LANCL3: variants seen among roughly 807,000 people sequenced by gnomAD.
LANCL3 encodes the protein LanC like family member 3.
Under a neutral mutation model 26.5 loss-of-function variants are expected in LANCL3, and 19 were observed. The ratio of observed to expected loss-of-function variants is 0.72; its 90% CI spans 0.50 to 1.05. LANCL3 has a LOEUF of 1.05. LANCL3 is among the 50% of genes least tolerant of loss of function. The pLI, the probability that LANCL3 is intolerant of heterozygous loss-of-function variation, is 0.00. For synonymous variants in LANCL3, 160 were observed against 166.6 expected (o/e 0.96, Z 0.30); for missense variants, 318 against 362.7 (o/e 0.88, Z 1.00).
At chrX:37,575,791 A>G (rs184944228) in intron 1 of LANCL3, among the ~76,000 whole-genome samples, 38 of 111,690 alleles carry the variant, frequency 3.4e-4, no homozygotes, top group African/African-American at 1.2e-3. Flanking sequence ...TATACCTGCC[A>G]CCTCTATTAA....
chrX:37,599,598 A>C (rs1301152465), intron 1 of LANCL3, among the ~76,000 whole-genome samples: 1 of 112,102 alleles, frequency 8.9e-6, no homozygotes, highest in Non-Finnish European at 1.9e-5. Flanking sequence ...GGAAAGTTTC[A>C]GCTTCCAGTG....
Position 37,651,288 on chromosome X carries a change from C to CT in LANCL3, c.574-4397dup, listed in dbSNP as rs1478193717. ...TCAAATGGTATTTCTAGTTCTAGAT[C>CT]TTTAAGGAATCGCCACACTGTCTTC... On this transcript the variant is annotated intron_variant, in intron 1 of 4. Coordinates refer to ENST00000378619, the MANE Select transcript of LANCL3 (RefSeq NM_001170331.2). 2.7e-5 allele frequency among the ~76,000 whole-genome samples: 3 copies of CT among 111,410 alleles called. No individual in the cohort carries two copies. In the East Asian group the frequency reaches 8.4e-4, roughly 31 times the overall value.
At chrX:37,579,256 T>A (rs782476223) in intron 1 of LANCL3, among the ~76,000 whole-genome samples, 2 of 111,353 alleles carry the variant, frequency 1.8e-5, no homozygotes, top group Non-Finnish European at 3.8e-5. Context: ...CCAGTTTTTC[T>A]CCTTTTTTTG....
At chrX:37,590,790 AACAT>A (rs1458861963) in intron 1 of LANCL3, among the ~76,000 whole-genome samples, 1 of 111,311 alleles carries the variant, frequency 9.0e-6, no homozygotes, top group Non-Finnish European at 1.9e-5. Flanking sequence ...CTTACACGTG[AACAT>A]GCATTAGAAT....
intron 1 of LANCL3, among the ~76,000 whole-genome samples, chrX:37,583,411 A>G (rs190010991): frequency 0.025 from 2,818 of 111,791 alleles, 97 homozygotes; most frequent in African/African-American, 0.087. Flanking sequence ...CTTGGGCAGT[A>G]TAGCCATTTT....
chrX:37,617,961 G>A (rs782145934), intron 1 of LANCL3, among the ~76,000 whole-genome samples: 5 of 112,104 alleles, frequency 4.5e-5, no homozygotes, highest in African/African-American at 1.3e-4. Flanking sequence ...ACAGAGGAAA[G>A]CATACCTGCT....
In LANCL3 at chrX:37,682,222, C is replaced by T. The variant is rs1232822104; in HGVS notation, c.*6409C>T. The T allele has an allele frequency of 9.5e-6, 1 of 105,815 alleles. No individual in the cohort carries two copies. Among genetic ancestry groups the T allele is most frequent in the African/African-American group, 3.4e-5 (1 of 29,127 alleles). 8.7% of individuals were successfully genotyped at this position (105,815 alleles called of 1,213,427 possible). A position where few individuals can be genotyped will look rare whatever the true frequency, so the allele number is the denominator to read the frequency against. On this transcript the variant is annotated 3_prime_UTR_variant, in exon 5 of 5. Transcript: ENST00000378619. Reference sequence around the variant, plus strand: ...GGTTCACGCCATTCTCCTGCCTCAGCCTCCCAAGTAGCTGGGACTACAGGC... The same window carrying T: ...GGTTCACGCCATTCTCCTGCCTCAGTCTCCCAAGTAGCTGGGACTACAGGC...
At chrX:37,590,604 A>G (rs782761044) in intron 1 of LANCL3, among the ~76,000 whole-genome samples, 2 of 112,128 alleles carry the variant, frequency 1.8e-5, no homozygotes, top group Non-Finnish European at 3.8e-5. Context: ...TAACAACTAC[A>G]CTACTCTAAT....
chrX:37,590,101 T>A (rs782370765), intron 1 of LANCL3, among the ~76,000 whole-genome samples: 14 of 112,772 alleles, frequency 1.2e-4, no homozygotes, highest in Non-Finnish European at 2.6e-4. Context: ...CTGATTGGCT[T>A]GAAGATACTG....
Position 37,675,842 on chromosome X carries a change from A to C in LANCL3, c.*29A>C, listed in dbSNP as rs1417673527. 1.8e-6 allele frequency: 2 copies of C among 1,081,761 alleles called. No individual in the cohort carries two copies. The highest frequency in any genetic ancestry group is 3.8e-5 in the African/African-American group (2 of 52,800). The allele number at this position is 1,081,761 out of a possible 1,213,427, so 89.1% of individuals were successfully genotyped here. A position where few individuals can be genotyped will look rare whatever the true frequency, so the allele number is the denominator to read the frequency against. ...GCTCTATCTTCCACTGTGGCCCTGC[A>C]GAGATCCCCTGAGCCAAGCCGAGGC... On this transcript the variant is annotated 3_prime_UTR_variant, in exon 5 of 5. Coordinates refer to ENST00000378619, the MANE Select transcript of LANCL3 (RefSeq NM_001170331.2).
At chrX:37,627,320 C>T (rs906695045) in intron 1 of LANCL3, among the ~76,000 whole-genome samples, 6 of 111,446 alleles carry the variant, frequency 5.4e-5, no homozygotes, top group African/African-American at 1.3e-4. Context: ...GATATTTCAG[C>T]GAGATCTGAA....
At chrX:37,595,351 C>A (rs1286915190) in intron 1 of LANCL3, among the ~76,000 whole-genome samples, 1 of 112,268 alleles carries the variant, frequency 8.9e-6, no homozygotes, top group Non-Finnish European at 1.9e-5. Context: ...GAAATGGCAA[C>A]CTACATTTTA....
At chrX:37,623,481 C>T (rs1396712406) in intron 1 of LANCL3, among the ~76,000 whole-genome samples, 1 of 111,795 alleles carries the variant, frequency 8.9e-6, no homozygotes, top group Non-Finnish European at 1.9e-5. Context: ...TTCAATAGTC[C>T]TTGAAAATTC....
intron 4 of LANCL3, among the ~76,000 whole-genome samples, chrX:37,670,715 A>T (rs181181112): frequency 2.6e-3 from 291 of 111,265 alleles, no homozygotes; most frequent in African/African-American, 8.9e-3. Flanking sequence ...TCATATTTTT[A>T]AAAAAGCTCA....
rs782461035 is a variant in LANCL3 at position 37,659,544 on chromosome X, A to G, written c.780A>G (p.Val260=). 9.1e-6 allele frequency: 11 copies of G among 1,207,049 alleles called. 1 individual carries two copies. The South Asian group carries it at 1.6e-4, about 17-fold the overall frequency. ...TCAAGCCCTCAGATCGGGAATTGGT[A>G]TGGCAGAGCGTGGACTTTCTCATGG... ...EHLKPSDREL[V]WQSVDFLMEQ... Residue 260 remains valine, a synonymous_variant, in exon 3 of 5, where the codon GTA becomes GTG. Coordinates refer to ENST00000378619, the MANE Select transcript of LANCL3 (RefSeq NM_001170331.2).
chrX:37,684,014 G>A lies in LANCL3; in HGVS notation c.*8201G>A, dbSNP rs1222648160. The A allele has an allele frequency of 7.1e-5, 8 of 111,929 alleles. No homozygotes were observed. Among genetic ancestry groups the A allele is most frequent in the African/African-American group, 1.9e-4 (6 of 30,864 alleles). The allele number at this position is 111,929 out of a possible 1,213,427, so 9.2% of individuals were successfully genotyped here. On this transcript the variant is annotated 3_prime_UTR_variant, in exon 5 of 5. Transcript: ENST00000378619. ...ATGGCAAATGATAATACAGAAAGAC[G>A]TGATCACTGGAGCAAGTTAGCTGGT... is the stretch of plus-strand genomic sequence containing the variant.
In LANCL3 at chrX:37,667,352, G is replaced by T. The variant is rs782366959; in HGVS notation, c.966G>T (p.Arg322=). 8.4e-7 allele frequency: 1 copy of T among 1,195,378 alleles called. No homozygotes were observed. The highest frequency in any genetic ancestry group is 1.9e-5 in the South Asian group (1 of 54,022). The part of the protein sequence containing the change: ...KKPQYLDTCI[R]CGELTWQKGL... ...CGCAGTACCTGGACACATGTATTCG[G>T]TGTGGGGAACTCACATGGCAGAAAG... Residue 322 remains arginine, a synonymous_variant, in exon 4 of 5, where the codon CGG becomes CGT. Coordinates refer to ENST00000378619, the MANE Select transcript of LANCL3 (RefSeq NM_001170331.2).
At chrX:37,647,051 A>T (rs782672573) in intron 1 of LANCL3, among the ~76,000 whole-genome samples, 2 of 112,271 alleles carry the variant, frequency 1.8e-5, no homozygotes, top group Non-Finnish European at 3.8e-5. Context: ...GTGGTGGCTC[A>T]CACCTGTAAT....
At chrX:37,611,374 T>G (rs1032032388) in intron 1 of LANCL3, among the ~76,000 whole-genome samples, 4 of 111,200 alleles carry the variant, frequency 3.6e-5, no homozygotes, top group Non-Finnish European at 5.7e-5. Flanking sequence ...GTGGTGGGTT[T>G]TTTTTGATCC....
Sources: allele counts gnomAD v4.1 joint callset (sites outside exome capture counted in the v4.1 genomes callset), GRCh38; gene constraint gnomAD v4.1.1; transcripts MANE v1.5; gene names NCBI Gene and HGNC (gene_info 2026-07-23, HGNC 2026-07-21).